Variants in HSPG2 observed in about 807,000 individuals in gnomAD.
HSPG2 encodes basement membrane-specific heparan sulfate proteoglycan core protein.
A neutral mutation model predicts 526.6 loss-of-function variants in HSPG2; 278 were observed. The observed-to-expected ratio is 0.53, with a 90% CI of 0.48 to 0.58. HSPG2 has a LOEUF of 0.58. Ranked by LOEUF, HSPG2 falls within the 20% of genes least tolerant of loss-of-function variation. The pLI is 0.00. For synonymous variants in HSPG2, 2,465 were observed against 2,555.4 expected, an observed-to-expected ratio of 0.96 and a Z score of 1.07; for missense variants, 5,354 against 6,099.5, an observed-to-expected ratio of 0.88 and a Z score of 4.07.
At chr1:21,908,047 A>C in intron 1 of HSPG2, 2 of 732,172 alleles carry the variant, frequency 2.7e-6, no homozygotes, top group Non-Finnish European at 5.0e-6. Flanking sequence ...ATGTTCTATA[A>C]GTGTTTGCTG....
At chr1:21,894,084 G>A (rs1642571069) in intron 3 of HSPG2, among the ~76,000 whole-genome samples, 1 of 152,036 alleles carries the variant, frequency 6.6e-6, no homozygotes, top group South Asian at 2.1e-4. Flanking sequence ...CAGGACACAC[G>A]GGCATGGGGG....
chr1:21,830,329 G>C, intron 85 of HSPG2: 1 of 569,116 alleles, frequency 1.8e-6, no homozygotes. Flanking sequence ...GTTCTTCAGA[G>C]ACTGGACAGT....
chr1:21,865,655 G>A lies in HSPG2; in HGVS notation c.4314+62C>T, dbSNP rs915115545. 37 of 1,339,160 alleles carry A rather than the reference G, an allele frequency of 2.8e-5. No individual in the cohort carries two copies. Among genetic ancestry groups the A allele is most frequent in the Non-Finnish European group, 3.4e-5 (32 of 930,348 alleles). 83.0% of individuals were successfully genotyped at this position (1,339,160 alleles called of 1,614,324 possible). On this transcript the variant is annotated intron_variant, in intron 34 of 96. Coordinates refer to ENST00000374695, the MANE Select transcript of HSPG2 (RefSeq NM_005529.7). The surrounding 1 kb of genome is among the most constrained non-coding windows in gnomAD (Gnocchi z 5.4). ...ATGGAAAGGACAAAGGACAAATGCC[G>A]AGGGTGCCCCTGGCTTCCATCCTGC...
intron 1 of HSPG2, among the ~76,000 whole-genome samples, chr1:21,896,563 A>G (rs570431501): frequency 6.6e-6 from 1 of 152,326 alleles, no homozygotes; most frequent in East Asian, 1.9e-4. Flanking sequence ...TAAAGCAGAC[A>G]ATAAAATGTA....
At chr1:21,923,127 C>A (rs1246150865) in intron 1 of HSPG2, among the ~76,000 whole-genome samples, 2 of 152,188 alleles carry the variant, frequency 1.3e-5, no homozygotes, top group Admixed American at 6.5e-5. Flanking sequence ...CCAGACTCAG[C>A]CGGGCACGGT....
At chr1:21,922,512 C>T (rs531272033) in intron 1 of HSPG2, among the ~76,000 whole-genome samples, 4 of 152,156 alleles carry the variant, frequency 2.6e-5, no homozygotes. Flanking sequence ...GTGGAGGGAG[C>T]AGGAGAGAGT....
At chr1:21,846,422 C>T in intron 63 of HSPG2, 26 bp downstream of exon 63, 1 of 1,612,948 alleles carries the variant, frequency 6.2e-7, no homozygotes, top group Non-Finnish European at 8.5e-7. Flanking sequence ...CAGCGGCTCT[C>T]CCACCATTTC....
At chr1:21,908,589 TAAAA>T in intron 1 of HSPG2, 1 of 568,402 alleles carries the variant, frequency 1.8e-6, no homozygotes, top group Non-Finnish European at 3.1e-6. Flanking sequence ...AATAGGTATT[TAAAA>T]AAAAAAAAAG....
chr1:21,932,660 G>A (rs1644377129), intron 1 of HSPG2, among the ~76,000 whole-genome samples: 1 of 152,200 alleles, frequency 6.6e-6, no homozygotes, highest in Non-Finnish European at 1.5e-5. Context: ...AGAGTGGTAA[G>A]GACCAGAAAG....
At chr1:21,886,682 G>A (rs928102787) in intron 9 of HSPG2, among the ~76,000 whole-genome samples, 3 of 152,198 alleles carry the variant, frequency 2.0e-5, no homozygotes, top group Non-Finnish European at 4.4e-5. Context: ...CTGGAAGGAT[G>A]GATGGGAGGG....
chr1:21,844,552 T>A (rs1638274884), intron 64 of HSPG2, among the ~76,000 whole-genome samples: 1 of 152,218 alleles, frequency 6.6e-6, no homozygotes, highest in South Asian at 2.1e-4. Flanking sequence ...GGGCCAGGGC[T>A]GAGGTCTAGA....
intron 77 of HSPG2, 50 bp downstream of exon 77, chr1:21,834,629 G>T: frequency 6.3e-7 from 1 of 1,598,188 alleles, no homozygotes; most frequent in East Asian, 2.2e-5. Context: ...AGCAGGAGAA[G>T]CCCCTGCCCC....
At chr1:21,910,943 G>A (rs112765768) in intron 1 of HSPG2, among the ~76,000 whole-genome samples, 6 of 152,280 alleles carry the variant, frequency 3.9e-5, no homozygotes, top group African/African-American at 1.4e-4. Flanking sequence ...CTCGCCTGAG[G>A]TCGCAAATGG....
intron 33 of HSPG2, among the ~76,000 whole-genome samples, chr1:21,869,965 C>G (rs534254582): frequency 6.6e-6 from 1 of 152,318 alleles, no homozygotes; most frequent in African/African-American, 2.4e-5. Flanking sequence ...GGCATCTGGA[C>G]GGGGTTGTTG....
rs1277020864 is a variant in HSPG2, at chr1:21,893,702, T to C, written c.244+2220A>G. On this transcript the variant is annotated intron_variant, in intron 3 of 96. Coordinates refer to ENST00000374695, the MANE Select transcript of HSPG2 (RefSeq NM_005529.7). The surrounding 1 kb of genome is among the most constrained non-coding windows in gnomAD (Gnocchi z 4.3). ...ACAGAGAAGGAGGCAAGAAGGGACATTGACAGCGAGGGAGACGAGATGGAG... is the reference window on the plus strand; with the variant it reads ...ACAGAGAAGGAGGCAAGAAGGGACACTGACAGCGAGGGAGACGAGATGGAG... Among the ~76,000 whole-genome samples the C allele has an allele frequency of 3.3e-5, 5 of 150,770 alleles. No homozygotes were observed. Among genetic ancestry groups the C allele is most frequent in the East Asian group, 2.0e-4 (1 of 5,104 alleles).
intron 1 of HSPG2, among the ~76,000 whole-genome samples, chr1:21,936,467 C>T (rs1007068974): frequency 6.6e-6 from 1 of 152,214 alleles, no homozygotes; most frequent in African/African-American, 2.4e-5. Context: ...AGTCCAGCAA[C>T]GCCCTGCAGC....
intron 33 of HSPG2, among the ~76,000 whole-genome samples, chr1:21,869,285 C>T (rs1389785991): frequency 6.6e-6 from 1 of 152,226 alleles, no homozygotes; most frequent in African/African-American, 2.4e-5. Context: ...GGGATGGCTC[C>T]TTTCATATGT....
At position 21,836,780 on chromosome 1, in the gene HSPG2, T is replaced by G. The variant is rs1465362322; in HGVS notation, c.10355+22A>C. On this transcript the variant is annotated intron_variant, in intron 75 of 96. Transcript: ENST00000374695. The stretch of plus-strand genomic sequence containing the variant: ...CCTGGGCTATGCTGCCCAAGTCCAG[T>G]CCTGCCCCCGGCCCCACTCACCGGA... The G allele has an allele frequency of 1.2e-5, 19 of 1,537,742 alleles. 1 individual carries two copies. In the South Asian group the frequency reaches 1.8e-4, roughly 14 times the overall value.
intron 80 of HSPG2, 106 bp from the exon 81 acceptor site, chr1:21,832,712 C>T (rs962107379): frequency 2.5e-6 from 2 of 791,056 alleles, no homozygotes; most frequent in African/African-American, 3.4e-5. Flanking sequence ...CTCTCGGAAC[C>T]TGTCCCTCCC....
Sources: allele counts gnomAD v4.1 joint callset (sites outside exome capture counted in the v4.1 genomes callset), GRCh38; gene constraint gnomAD v4.1.1; non-coding constraint Gnocchi (gnomAD v3.1); transcripts MANE v1.5; gene names NCBI Gene and HGNC (gene_info 2026-07-23, HGNC 2026-07-21).